The following SYT1 variants were observed in gnomAD, a reference collection of about 807,000 sequenced individuals.
SYT1 encodes synaptotagmin 1.
A neutral mutation model predicts 44.8 loss-of-function variants in SYT1; 8 were observed. That is an observed-to-expected ratio of 0.18 (90% confidence interval 0.10 to 0.32). SYT1 has a LOEUF of 0.32. Ranked by LOEUF, SYT1 falls within the 10% of genes least tolerant of loss-of-function variation. SYT1 has a pLI of 1.00. For synonymous variants in SYT1, 154 were observed against 188.8 expected, an observed-to-expected ratio of 0.82 and a Z score of 1.51; for missense variants, 286 against 509.3, an observed-to-expected ratio of 0.56 and a Z score of 4.22.
chr12:79,169,770 T>A (rs1871406589), intron 3 of SYT1, among the ~76,000 whole-genome samples: 1 of 152,014 alleles, frequency 6.6e-6, no homozygotes, highest in Non-Finnish European at 1.5e-5. Flanking sequence ...TTATGTGGGT[T>A]TGTTGTACAG....
intron 8 of SYT1, among the ~76,000 whole-genome samples, chr12:79,344,298 G>A (rs1484917433): frequency 4.6e-5 from 7 of 152,042 alleles, no homozygotes; most frequent in African/African-American, 1.2e-4. Flanking sequence ...TTGACTTTGC[G>A]TGTCTTACTG....
intron 1 of SYT1, among the ~76,000 whole-genome samples, chr12:78,879,224 T>C (rs1211828489): frequency 1.3e-5 from 2 of 151,766 alleles, no homozygotes; most frequent in African/African-American, 4.8e-5. Flanking sequence ...TAGGAGGTGA[T>C]GCATAAGATA....
intron 1 of SYT1, among the ~76,000 whole-genome samples, chr12:78,877,912 A>G (rs1874261531): frequency 6.6e-6 from 1 of 151,778 alleles, no homozygotes; most frequent in African/African-American, 2.4e-5. Flanking sequence ...TACAGGCATG[A>G]GCCACCACAC....
intron 4 of SYT1, among the ~76,000 whole-genome samples, chr12:79,250,639 T>C (rs1877144315): frequency 6.6e-6 from 1 of 152,182 alleles, no homozygotes; most frequent in South Asian, 2.1e-4. Context: ...TTTGTTATAA[T>C]AACCCAGAAC....
intron 3 of SYT1, among the ~76,000 whole-genome samples, chr12:79,109,206 T>C (rs1429002051): frequency 2.0e-5 from 3 of 152,214 alleles, no homozygotes; most frequent in South Asian, 4.1e-4. Flanking sequence ...CCTCCCAATG[T>C]TCAGGCCAGT....
At chr12:79,314,988 T>C (rs1350299180) in intron 8 of SYT1, among the ~76,000 whole-genome samples, 1 of 151,950 alleles carries the variant, frequency 6.6e-6, no homozygotes, top group Non-Finnish European at 1.5e-5. Context: ...AAGGTTAGGG[T>C]AGGAAATGGG....
At chr12:79,122,468 C>T (rs1241517118) in intron 3 of SYT1, among the ~76,000 whole-genome samples, 1 of 122,464 alleles carries the variant, frequency 8.2e-6, no homozygotes, top group Non-Finnish European at 1.6e-5. Context: ...GAGCCGAGAT[C>T]GCGCCACTGC....
intron 1 of SYT1, among the ~76,000 whole-genome samples, chr12:78,974,688 A>C (rs1010073083): frequency 6.6e-6 from 1 of 152,074 alleles, no homozygotes; most frequent in Non-Finnish European, 1.5e-5. Context: ...CGCCCGCCTC[A>C]GCCTCCCAAA....
Position 79,014,549 on chromosome 12 carries a change from A to C in SYT1, c.-83-32748A>C, listed in dbSNP as rs1592663087. Among the ~76,000 whole-genome samples, 3 of 152,216 alleles carry C rather than the reference A, an allele frequency of 2.0e-5. 1 individual carries two copies. In the South Asian group the frequency reaches 6.2e-4, roughly 32 times the overall value. ...ACCAGTTAGAATGGCAATCATTAAA[A>C]AGTCAGGAAACAACAGGTGCTGGAG... On this transcript the variant is annotated intron_variant, in intron 2 of 10. Transcript: ENST00000261205.
chr12:79,021,715 A>G (rs1872207210), intron 2 of SYT1, among the ~76,000 whole-genome samples: 1 of 151,840 alleles, frequency 6.6e-6, no homozygotes, highest in African/African-American at 2.4e-5. Context: ...GCTAGCTAGT[A>G]TTGGAAGAAT....
rs77724855 is a variant in SYT1 at position 79,064,432 on chromosome 12, T to C, written c.-18+17070T>C. On this transcript the variant is annotated intron_variant, in intron 3 of 10. Coordinates refer to ENST00000261205, the MANE Select transcript of SYT1 (RefSeq NM_005639.3). ...TCACAGTGGAGATGGGGTAGATAGTTTTGTAGAAGACTAGAAATCAGTTTC... is the reference window on the plus strand; with the variant it reads ...TCACAGTGGAGATGGGGTAGATAGTCTTGTAGAAGACTAGAAATCAGTTTC... Among the ~76,000 whole-genome samples, 310 of 152,242 alleles carry C rather than the reference T, an allele frequency of 2.0e-3. 6 individuals are homozygous for C. The East Asian group carries it at 0.046, about 22-fold the overall frequency.
rs1180302796 is a variant in SYT1 at position 79,141,526 on chromosome 12, A to C, written c.-17-75977A>C. Among the ~76,000 whole-genome samples the C allele has an allele frequency of 3.9e-5, 6 of 152,200 alleles. No homozygotes were observed. The South Asian group carries it at 8.3e-4, about 21-fold the overall frequency. On this transcript the variant is annotated intron_variant, in intron 3 of 10. Coordinates refer to ENST00000261205, the MANE Select transcript of SYT1 (RefSeq NM_005639.3). ...GTTAATATATTTGAAAAACATGAGA[A>C]ATATATTATAATTAAATTATTTTGA...
chr12:78,933,518 T>C (rs1877870301), intron 1 of SYT1, among the ~76,000 whole-genome samples: 1 of 152,168 alleles, frequency 6.6e-6, no homozygotes, highest in Admixed American at 6.5e-5. Flanking sequence ...TTCTATTTCT[T>C]AAGGTCCTGT....
chr12:78,942,108 G>A (rs61929237), intron 1 of SYT1, among the ~76,000 whole-genome samples: 8,960 of 152,158 alleles, frequency 0.059, 287 homozygotes, highest in Admixed American at 0.089. Context: ...AGCAAACATC[G>A]TCAAACCTGA....
intron 1 of SYT1, among the ~76,000 whole-genome samples, chr12:78,957,541 C>T (rs1017658785): frequency 3.9e-5 from 6 of 152,100 alleles, no homozygotes; most frequent in African/African-American, 1.4e-4. Flanking sequence ...TTAAAATGAA[C>T]TCAGAAAGAT....
At chr12:79,444,823 T>A (rs1870616048) in intron 10 of SYT1, among the ~76,000 whole-genome samples, 1 of 152,146 alleles carries the variant, frequency 6.6e-6, no homozygotes, top group African/African-American at 2.4e-5. Context: ...ATGTTCATAT[T>A]AAGTTGCTAT....
At chr12:78,964,321 T>A (rs1015483844) in intron 1 of SYT1, among the ~76,000 whole-genome samples, 1 of 152,228 alleles carries the variant, frequency 6.6e-6, no homozygotes, top group African/African-American at 2.4e-5. Context: ...AAACCCAACT[T>A]AAAGCTTCCC....
At chr12:78,889,930 A>T (rs1011471027) in intron 1 of SYT1, among the ~76,000 whole-genome samples, 3 of 151,906 alleles carry the variant, frequency 2.0e-5, no homozygotes, top group South Asian at 2.1e-4. Flanking sequence ...AACAAATCAC[A>T]TTATAGCAGT....
At chr12:78,903,742 C>A (rs1456639984) in intron 1 of SYT1, among the ~76,000 whole-genome samples, 2 of 151,934 alleles carry the variant, frequency 1.3e-5, no homozygotes, top group East Asian at 3.9e-4. Context: ...ACATGATTTA[C>A]AATATTCTGA....
Sources: gnomAD v4.1 joint callset for allele counts (sites outside exome capture counted in the v4.1 genomes callset) on GRCh38, gnomAD v4.1.1 for gene constraint, MANE v1.5 for transcripts, NCBI Gene and HGNC (gene_info 2026-07-23, HGNC 2026-07-21) for gene names.